The following ABCA1 variants were observed in gnomAD, a reference collection of about 807,000 sequenced individuals.
The protein encoded by ABCA1 is ATP binding cassette subfamily A member 1.
ABCA1 carries 133 observed loss-of-function variants against 262.5 expected under a neutral mutation model. The observed-to-expected ratio is 0.51, with a 90% CI of 0.44 to 0.59. ABCA1 has a LOEUF of 0.59. Ranked by LOEUF, ABCA1 falls within the 20% of genes least tolerant of loss-of-function variation. ABCA1 has a pLI of 0.00. For synonymous variants in ABCA1, 1,022 were observed against 1,043.5 expected (o/e 0.98, Z 0.40); for missense variants, 2,452 against 2,777.5 (o/e 0.88, Z 2.63).
intron 5 of ABCA1, among the ~76,000 whole-genome samples, chr9:104,862,641 G>GCCCCCCCCC (rs1564197815): frequency 3.0e-3 from 6 of 2,012 alleles, no homozygotes; most frequent in Non-Finnish European, 4.8e-3. Flanking sequence ...TGCCGGGCCG[G>GCCCCCCCCC]GCCGGGCCGG....
chr9:104,856,456 A>G (rs765152359), intron 7 of ABCA1, among the ~76,000 whole-genome samples: 1 of 152,172 alleles, frequency 6.6e-6, no homozygotes, highest in Non-Finnish European at 1.5e-5. Context: ...CACAAGGCAC[A>G]ACCACAACAC....
At position 104,812,640 on chromosome 9, in the gene ABCA1, C is replaced by T; in HGVS notation, c.3984G>A (p.Gln1328=). 1 of 1,614,242 alleles carries T rather than the reference C, an allele frequency of 6.2e-7. No homozygotes were observed. Among genetic ancestry groups the T allele is most frequent in the Non-Finnish European group, 8.5e-7 (1 of 1,180,046 alleles). ...QVKGWKLTQQ[Q]FVALLWKRLL... ...GTCTCTTCCACAAAAGGGCCACAAA[C>T]TGTTGCTGTGTAAGTTTCCAGCCTT... is the stretch of plus-strand genomic sequence containing the variant. Residue 1328 remains glutamine (Q), a synonymous_variant, in exon 28 of 50, where the codon CAG becomes CAA. Transcript: ENST00000374736.
At chr9:104,875,913 G>A (rs117930054) in intron 5 of ABCA1, among the ~76,000 whole-genome samples, 2,615 of 152,266 alleles carry the variant, frequency 0.017, 36 homozygotes, top group Middle Eastern at 0.024. Flanking sequence ...ATCCCTACCC[G>A]TTCTAGGCAT....
intron 37 of ABCA1, 141 bp from the exon 38 acceptor site, chr9:104,796,565 A>T: frequency 1.4e-6 from 1 of 733,140 alleles, no homozygotes; most frequent in East Asian, 2.7e-5. Context: ...CACATAAACT[A>T]TTAATCAAAA....
Position 104,821,596 on chromosome 9 carries a change from C to T in ABCA1, c.2829-90G>A, listed in dbSNP as rs146395165. On this transcript the variant is annotated intron_variant, in intron 19 of 49. Transcript: ENST00000374736. ...TTCAGTCTGCAGAGAGAACAGAACA[C>T]CAACCCTCCCACCGCCCCCATTCCT... 220 of 1,456,560 alleles carry T rather than the reference C, an allele frequency of 1.5e-4. 1 individual carries two copies. In the East Asian group the frequency reaches 4.9e-3, roughly 33 times the overall value. 90.2% of individuals were successfully genotyped at this position (1,456,560 alleles called of 1,614,324 possible). A position where few individuals can be genotyped will look rare whatever the true frequency, so the allele number is the denominator to read the frequency against.
chr9:104,886,273 G>A lies in ABCA1; in HGVS notation c.161-1705C>T, dbSNP rs376028042. 8.1e-4 allele frequency among the ~76,000 whole-genome samples: 123 copies of A among 152,292 alleles called. 1 individual carries two copies. In the East Asian group the frequency reaches 0.015, roughly 18 times the overall value. Reference sequence around the variant, plus strand: ...CATCTTTTTATTTTCATGCAAATGGGCTGAGAAGTTAATCCAAAGTCAGGA... The same window carrying A: ...CATCTTTTTATTTTCATGCAAATGGACTGAGAAGTTAATCCAAAGTCAGGA... On this transcript the variant is annotated intron_variant, in intron 3 of 49. Transcript: ENST00000374736.
intron 7 of ABCA1, 108 bp from the exon 8 acceptor site, chr9:104,845,677 CAAG>C (rs1175322738): frequency 2.6e-6 from 2 of 781,188 alleles, no homozygotes; most frequent in Non-Finnish European, 4.3e-6. Flanking sequence ...GTTTAACAAA[CAAG>C]AAACCGACTC....
intron 14 of ABCA1, among the ~76,000 whole-genome samples, chr9:104,829,727 T>C (rs1833096125): frequency 6.6e-6 from 1 of 152,228 alleles, no homozygotes; most frequent in Admixed American, 6.5e-5. Context: ...TCCTGTGCCC[T>C]GTCTTAAGAC....
At chr9:104,833,593 A>C (rs1004443668) in intron 11 of ABCA1, among the ~76,000 whole-genome samples, 1 of 152,224 alleles carries the variant, frequency 6.6e-6, no homozygotes, top group African/African-American at 2.4e-5. Flanking sequence ...ATGAAAGCAT[A>C]GGCCCTCTGT....
intron 9 of ABCA1, among the ~76,000 whole-genome samples, chr9:104,839,733 C>T (rs934048560): frequency 5.9e-5 from 9 of 152,162 alleles, no homozygotes; most frequent in African/African-American, 1.9e-4. Flanking sequence ...AAAGGATCAC[C>T]ACAATCAAGC....
In ABCA1 at chr9:104,830,811, T is replaced by A. The variant is rs557657578; in HGVS notation, c.1892+114A>T. ...TGGCTGCAACTGTTGACAACTTACA[T>A]CTGGCATCTTATTTCCAGATCATTC... is the stretch of plus-strand genomic sequence containing the variant. On this transcript the variant is annotated intron_variant, in intron 14 of 49. Transcript: ENST00000374736. 8.6e-5 allele frequency: 106 copies of A among 1,236,188 alleles called. 1 individual carries two copies. The South Asian group carries it at 1.1e-3, about 13-fold the overall frequency. The allele number at this position is 1,236,188 out of a possible 1,614,324, so 76.6% of individuals were successfully genotyped here.
At chr9:104,837,212 C>T in intron 10 of ABCA1, 116 bp from the exon 11 acceptor site, 1 of 1,062,356 alleles carries the variant, frequency 9.4e-7, no homozygotes. Flanking sequence ...CCAGTCCTCC[C>T]CATCCCCAAG....
At chr9:104,797,861 ACAGGGAGATATATTT>A (rs1184146704) in intron 37 of ABCA1, among the ~76,000 whole-genome samples, 3 of 152,250 alleles carry the variant, frequency 2.0e-5, no homozygotes, top group Non-Finnish European at 2.9e-5. Flanking sequence ...AATAGAAGTT[ACAGGGAGATATATTT>A]CAGGGAGATA....
intron 36 of ABCA1, 93 bp downstream of exon 36, chr9:104,799,726 C>T: frequency 1.2e-6 from 2 of 1,611,804 alleles, no homozygotes; most frequent in Admixed American, 3.3e-5. Flanking sequence ...GTCTCTGCAG[C>T]TGTTCCCCTA....
Position 104,822,797 on chromosome 9 carries a change from G to A in ABCA1, c.2657-130C>T, listed in dbSNP as rs1356389127. On this transcript the variant is annotated intron_variant, in intron 18 of 49. Transcript: ENST00000374736. ...ATGTCCACCCTGGTTTCTCAGGCAG[G>A]CAGGAGGCTATAAATGTTTATTTAG... The A allele has an allele frequency of 3.9e-6, 4 of 1,024,134 alleles. No individual in the cohort carries two copies. The South Asian group carries it at 4.0e-5, about 10-fold the overall frequency. 63.4% of individuals were successfully genotyped at this position (1,024,134 alleles called of 1,614,324 possible).
chr9:104,794,205 G>A (rs1466184735), intron 40 of ABCA1, among the ~76,000 whole-genome samples, 182 bp downstream of exon 40: 2 of 152,172 alleles, frequency 1.3e-5, no homozygotes, highest in Non-Finnish European at 1.5e-5. Flanking sequence ...CAGACAAATG[G>A]TTGTGTCACA....
At chr9:104,854,711 T>C (rs77383523) in intron 7 of ABCA1, among the ~76,000 whole-genome samples, 2,593 of 152,284 alleles carry the variant, frequency 0.017, 70 homozygotes, top group African/African-American at 0.059. Flanking sequence ...AAGAAGCCCC[T>C]GCCAGGTGGC....
At chr9:104,869,549 TA>T (rs1837411168) in intron 5 of ABCA1, among the ~76,000 whole-genome samples, 1 of 152,188 alleles carries the variant, frequency 6.6e-6, no homozygotes, top group African/African-American at 2.4e-5. Context: ...TCTTGAAGAA[TA>T]GACGATGCCT....
At chr9:104,871,226 C>A (rs1837578933) in intron 5 of ABCA1, among the ~76,000 whole-genome samples, 1 of 152,170 alleles carries the variant, frequency 6.6e-6, no homozygotes, top group African/African-American at 2.4e-5. Context: ...GCAGCCCTCA[C>A]CAGACACCAA....
Sources: allele counts gnomAD v4.1 joint callset (sites outside exome capture counted in the v4.1 genomes callset), GRCh38; gene constraint gnomAD v4.1.1; transcripts MANE v1.5; gene names NCBI Gene and HGNC (gene_info 2026-07-23, HGNC 2026-07-21).